Variants in IQSEC1 observed in about 807,000 individuals in gnomAD.
IQSEC1 encodes IQ motif and Sec7 domain ArfGEF 1.
Under a neutral mutation model 91.0 loss-of-function variants are expected in IQSEC1, and 31 were observed. The ratio of observed to expected loss-of-function variants is 0.34; its 90% CI spans 0.26 to 0.46. The LOEUF (loss-of-function observed/expected upper bound fraction) is 0.46. Among genes scored for constraint, IQSEC1 ranks in the 20% least tolerant of loss-of-function variants. IQSEC1 has a pLI of 1.00. For missense variants in IQSEC1, 1,388 were observed against 1,575.6 expected, an observed-to-expected ratio of 0.88 and a Z score of 2.02; for synonymous variants, 699 against 662.6, an observed-to-expected ratio of 1.05 and a Z score of -0.84.
chr3:13,053,399 T>C (rs1327543184), intron 1 of IQSEC1, among the ~76,000 whole-genome samples: 1 of 152,236 alleles, frequency 6.6e-6, no homozygotes, highest in Non-Finnish European at 1.5e-5. Flanking sequence ...GTAAGAATTA[T>C]TCCAGAACAC....
At chr3:12,917,938 C>T (rs1400940517) in intron 6 of IQSEC1, among the ~76,000 whole-genome samples, 6 of 152,246 alleles carry the variant, frequency 3.9e-5, no homozygotes, top group South Asian at 4.1e-4. Context: ...TCTCCCGCTG[C>T]GGGACCCACT....
At chr3:13,251,451 T>C (rs1265929852) in intron 1 of IQSEC1, among the ~76,000 whole-genome samples, 23 of 152,170 alleles carry the variant, frequency 1.5e-4, no homozygotes, top group Admixed American at 1.4e-3. Context: ...TAAATATTTA[T>C]TGAATAAATA....
chr3:13,246,305 A>T (rs1174556594), intron 1 of IQSEC1, among the ~76,000 whole-genome samples: 3 of 152,168 alleles, frequency 2.0e-5, no homozygotes, highest in Non-Finnish European at 4.4e-5. Context: ...CACTTGGAGT[A>T]GCCAAAGCCA....
chr3:13,062,173 C>A (rs181470817), intron 1 of IQSEC1, among the ~76,000 whole-genome samples: 102 of 152,294 alleles, frequency 6.7e-4, no homozygotes, highest in Non-Finnish European at 1.3e-3. Context: ...CCAAAGGCTC[C>A]TGATGGATAC....
In IQSEC1 at chr3:13,211,702, C is replaced by T. The variant is rs1248001007; in HGVS notation, c.273-47569G>A. Among the ~76,000 whole-genome samples the T allele has an allele frequency of 1.3e-5, 2 of 152,224 alleles. No homozygotes were observed. The highest frequency in any genetic ancestry group is 4.8e-5 in the African/African-American group (2 of 41,462). On this transcript the variant is annotated intron_variant, in intron 1 of 15. Transcript: ENST00000648114. The surrounding 1 kb of genome is among the most constrained non-coding windows in gnomAD (Gnocchi z 5.3). ...CCACCCCAGCCCTGCTCAGCCACCACGTTTCCCAAATCTAGGTGCCCAGCC... is the reference window on the plus strand; with the variant it reads ...CCACCCCAGCCCTGCTCAGCCACCATGTTTCCCAAATCTAGGTGCCCAGCC...
intron 2 of IQSEC1, among the ~76,000 whole-genome samples, chr3:13,130,801 A>G (rs116625231): frequency 0.017 from 2,525 of 152,168 alleles, 76 homozygotes; most frequent in African/African-American, 0.056. Context: ...ATAATAATAC[A>G]AAAATTAGGC....
At chr3:13,251,692 G>A (rs535159401) in intron 1 of IQSEC1, among the ~76,000 whole-genome samples, 4 of 152,288 alleles carry the variant, frequency 2.6e-5, no homozygotes, top group African/African-American at 9.6e-5. Flanking sequence ...GTCACTGCCC[G>A]CTACCTGGGG....
intron 1 of IQSEC1, among the ~76,000 whole-genome samples, chr3:13,202,878 C>T (rs1014398729): frequency 5.3e-5 from 8 of 152,176 alleles, no homozygotes; most frequent in Non-Finnish European, 1.0e-4. Flanking sequence ...ATGTCCTTTA[C>T]GCGTGATCAG....
chr3:13,137,073 C>T (rs1250242972), intron 2 of IQSEC1, among the ~76,000 whole-genome samples: 1 of 152,124 alleles, frequency 6.6e-6, no homozygotes, highest in Non-Finnish European at 1.5e-5. Context: ...GAGTTTGAGG[C>T]TGCAGTGAGC....
intron 1 of IQSEC1, among the ~76,000 whole-genome samples, chr3:13,263,972 TG>T (rs2125133775): frequency 6.6e-6 from 1 of 152,248 alleles, no homozygotes; most frequent in East Asian, 1.9e-4. Context: ...TCCCTGCGCC[TG>T]TCCGCCTGGG....
At chr3:13,031,203 T>C (rs1209890835) in intron 1 of IQSEC1, among the ~76,000 whole-genome samples, 3 of 152,348 alleles carry the variant, frequency 2.0e-5, no homozygotes, top group South Asian at 2.1e-4. Flanking sequence ...TGGACCCACC[T>C]TTCTGGGAGC....
At chr3:13,089,411 C>T (rs1705798418) in intron 2 of IQSEC1, among the ~76,000 whole-genome samples, 1 of 152,132 alleles carries the variant, frequency 6.6e-6, no homozygotes, top group Non-Finnish European at 1.5e-5. Context: ...GAGACTCAGT[C>T]TCTACAGAAA....
chr3:13,077,301 T>C (rs1705578727), upstream of IQSEC1, among the ~76,000 whole-genome samples: 1 of 152,164 alleles, frequency 6.6e-6, no homozygotes, highest in African/African-American at 2.4e-5. Flanking sequence ...ACATGACGAA[T>C]ATGATGGAAG....
rs1694361186 is a variant in IQSEC1, at chr3:13,207,286, C to T, written c.273-43153G>A. ...GATTCCTCCTGGCTTGTTTCCCTCC[C>T]ACAACATCCAGCCATGTCGGCAGGT... is the stretch of plus-strand genomic sequence containing the variant. On this transcript the variant is annotated intron_variant, in intron 1 of 15. Coordinates refer to the IQSEC1 transcript ENST00000648114. The surrounding 1 kb of genome is among the most constrained non-coding windows in gnomAD (Gnocchi z 4.8). Among the ~76,000 whole-genome samples the T allele has an allele frequency of 6.6e-6, 1 of 152,148 alleles. No individual in the cohort carries two copies. The highest frequency in any genetic ancestry group is 2.4e-5 in the African/African-American group (1 of 41,436).
At chr3:13,200,288 C>T (rs1177048438) in intron 1 of IQSEC1, among the ~76,000 whole-genome samples, 1 of 152,050 alleles carries the variant, frequency 6.6e-6, no homozygotes. Flanking sequence ...CACATACTCC[C>T]CCCCCTTATC....
At chr3:12,959,421 G>T (rs1295685318) in intron 1 of IQSEC1, among the ~76,000 whole-genome samples, 5 of 152,202 alleles carry the variant, frequency 3.3e-5, no homozygotes, top group Non-Finnish European at 4.4e-5. Context: ...GCCCTCCAGA[G>T]GTCCTAGGCA....
At position 13,174,840 on chromosome 3, in the gene IQSEC1, C is replaced by G. The variant is rs1046655166; in HGVS notation, c.273-10707G>C. The stretch of plus-strand genomic sequence containing the variant: ...CACTGGTGGTCTTTCTGCTCCCCCC[C>G]CCCACCTCCTCCCACCACTGTCTCT... On this transcript the variant is annotated intron_variant, in intron 1 of 15. Coordinates refer to the IQSEC1 transcript ENST00000648114. 4.0e-4 allele frequency among the ~76,000 whole-genome samples: 60 copies of G among 151,782 alleles called. 1 individual carries two copies. The highest frequency in any genetic ancestry group is 1.2e-3 in the Admixed American group (18 of 15,256).
Position 12,922,782 on chromosome 3 carries a change from C to T in IQSEC1, c.1731-540G>A, listed in dbSNP as rs1378744847. ...GGGCCATGCACCCTCATCTGTGGGGCAGGGCCTGGAGGGGCGGCTGATGAA... is the reference window on the plus strand; with the variant it reads ...GGGCCATGCACCCTCATCTGTGGGGTAGGGCCTGGAGGGGCGGCTGATGAA... On this transcript the variant is annotated intron_variant, in intron 4 of 13. Transcript: ENST00000613206. This position sits in a 1 kb window ranked among gnomAD's most constrained non-coding sequence, Gnocchi z 5.1. Among the ~76,000 whole-genome samples, 1 of 152,114 alleles carries T rather than the reference C, an allele frequency of 6.6e-6. No homozygotes were observed. The highest frequency in any genetic ancestry group is 2.4e-5 in the African/African-American group (1 of 41,414).
chr3:13,085,652 C>A (rs60312551), intron 2 of IQSEC1, among the ~76,000 whole-genome samples: 3,008 of 152,276 alleles, frequency 0.02, 104 homozygotes, highest in African/African-American at 0.067. Context: ...GTTTTACAGG[C>A]TAGTGGTTGT....
Sources: gnomAD v4.1 joint callset for allele counts (sites outside exome capture counted in the v4.1 genomes callset) on GRCh38, gnomAD v4.1.1 for gene constraint, Gnocchi (gnomAD v3.1) non-coding constraint, MANE v1.5 for transcripts, NCBI Gene and HGNC (gene_info 2026-07-23, HGNC 2026-07-21) for gene names.